The following BCCIP variants were observed in gnomAD, a reference collection of about 807,000 sequenced individuals.
BCCIP encodes BRCA2 and CDKN1A interacting protein.
A neutral mutation model predicts 32.8 loss-of-function variants in BCCIP; 23 were observed. The observed-to-expected ratio is 0.70, with a 90% CI of 0.51 to 0.99. BCCIP has a LOEUF of 0.99. Among genes scored for constraint, BCCIP ranks in the 50% least tolerant of loss-of-function variants. The pLI, the probability that BCCIP is intolerant of heterozygous loss-of-function variation, is 0.00. For missense variants in BCCIP, 378 were observed against 379.8 expected (o/e 1.00, Z 0.04); for synonymous variants, 144 against 137.6 (o/e 1.05, Z -0.33).
At chr10:125,838,877 T>A, downstream of BCCIP, 2 of 1,153,406 alleles carry the variant, frequency 1.7e-6, no homozygotes, top group Non-Finnish European at 1.2e-6. Context: ...AAATCTTTAA[T>A]AATAACATGG....
intron 3 of BCCIP, 39 bp from the exon 4 acceptor site, chr10:125,830,523 A>C (rs1854497991): frequency 7.4e-7 from 1 of 1,346,378 alleles, no homozygotes; most frequent in South Asian, 1.3e-5. Context: ...TTGGTATTAT[A>C]CTAAATATAA....
intron 3 of BCCIP, among the ~76,000 whole-genome samples, chr10:125,830,251 C>T (rs1854491325): frequency 6.6e-6 from 1 of 152,152 alleles, no homozygotes; most frequent in African/African-American, 2.4e-5. Flanking sequence ...TATTGAGAAT[C>T]TGATAAAAGA....
Position 125,827,584 on chromosome 10 carries a change from T to G in BCCIP, c.267T>G (p.Thr89=). 2 of 1,613,168 alleles carry G rather than the reference T, an allele frequency of 1.2e-6. No homozygotes were observed. Among genetic ancestry groups the G allele is most frequent in the Non-Finnish European group, 1.7e-6 (2 of 1,179,176 alleles). Residue 89 remains threonine (T), a synonymous_variant, in exon 3 of 7, where the codon ACT becomes ACG. Transcript: ENST00000278100. ...TTTTTCTAAAGGCTCCTGTGAACACTGCAGAACTAACAGATCTCTTAATTC... is the reference window on the plus strand; with the variant it reads ...TTTTTCTAAAGGCTCCTGTGAACACGGCAGAACTAACAGATCTCTTAATTC... ...QQLFLKAPVN[T]AELTDLLIQQ... is the part of the protein sequence containing the mutation.
intron 3 of BCCIP, among the ~76,000 whole-genome samples, chr10:125,828,339 C>A (rs1393556183): frequency 1.3e-5 from 2 of 152,052 alleles, no homozygotes; most frequent in Non-Finnish European, 2.9e-5. Context: ...TACCGGGTAG[C>A]AGGTGGAGCC....
chr10:125,852,611 A>T, intron 7 of BCCIP: 3 of 1,612,862 alleles, frequency 1.9e-6, no homozygotes, highest in Non-Finnish European at 1.7e-6. Flanking sequence ...CTGCATGACG[A>T]GCGAGTTTGC....
chr10:125,844,394 A>G (rs1854956035), downstream of BCCIP, among the ~76,000 whole-genome samples: 1 of 152,204 alleles, frequency 6.6e-6, no homozygotes, highest in South Asian at 2.1e-4. Flanking sequence ...TCTGTCCCCA[A>G]AGGGCACCTA....
In BCCIP at chr10:125,850,354, CTTT is replaced by C. The variant is rs765077777; in HGVS notation, c.851-2753_851-2751del. ...GCCTTTGACTTTCTTTTCTTTCTTTCTTTTTTTTTTTTTTTTTTTTGAGACAGA... is the reference window on the plus strand; with the variant it reads ...GCCTTTGACTTTCTTTTCTTTCTTTCTTTTTTTTTTTTTTTTTGAGACAGA... On this transcript the variant is annotated intron_variant, in intron 7 of 7. Transcript: ENST00000368759. Among the ~76,000 whole-genome samples, 9 of 124,556 alleles carry C rather than the reference CTTT, an allele frequency of 7.2e-5. No homozygotes were observed. In the East Asian group the frequency reaches 1.1e-3, roughly 15 times the overall value. 81.7% of individuals were successfully genotyped at this position (124,556 alleles called of 152,430 possible). A position where few individuals can be genotyped will look rare whatever the true frequency, so the allele number is the denominator to read the frequency against.
downstream of BCCIP, chr10:125,836,578 C>G: frequency 1.4e-6 from 2 of 1,412,622 alleles, no homozygotes; most frequent in Non-Finnish European, 1.9e-6. Context: ...TTCTTCAAGA[C>G]CGTCCTGTGG....
At chr10:125,826,714 CAG>C (rs1564817003) in intron 2 of BCCIP, 49 bp downstream of exon 2, 2 of 1,602,608 alleles carry the variant, frequency 1.2e-6, no homozygotes, top group Admixed American at 1.7e-5. Flanking sequence ...TAAGAAAAAT[CAG>C]GGGCCGGGTG....
Position 125,833,903 on chromosome 10 carries a change from C to G in BCCIP, c.731C>G (p.Ala244Gly). ...AAGAAACCTAGCAACAAAAAGAAAG[C>G]TGCGTTAATGTTTGCAAATGCAGAG... ...SKKKPSNKKK[A>G]ALMFANAEEE... The change falls in exon 6 of 7, where the codon GCT (alanine) becomes GGT (glycine). Residue 244 changes from alanine (A) to glycine (G), a missense_variant. By Grantham distance (60) the Ala-to-Gly change is moderately conservative (BLOSUM62 0). Coordinates refer to ENST00000278100, the MANE Select transcript of BCCIP (RefSeq NM_078468.3). The G allele has an allele frequency of 6.2e-7, 1 of 1,614,192 alleles. No homozygotes were observed. Among genetic ancestry groups the G allele is most frequent in the Admixed American group, 1.7e-5 (1 of 60,024 alleles).
chr10:125,852,181 CCCCT>C, intron 7 of BCCIP: 1 of 1,337,496 alleles, frequency 7.5e-7, no homozygotes, highest in Non-Finnish European at 1.0e-6. Flanking sequence ...AAACCAACGC[CCCCT>C]CCATGCTTGT....
Position 125,833,887 on chromosome 10 carries a change from A to G in BCCIP, c.715A>G (p.Ser239Gly). 1 of 1,614,290 alleles carries G rather than the reference A, an allele frequency of 6.2e-7. No individual in the cohort carries two copies. The highest frequency in any genetic ancestry group is 2.2e-5 in the East Asian group (1 of 44,894). The change falls in exon 6 of 7, where the codon AGC (serine) becomes GGC (glycine). Residue 239 changes from serine to glycine, a missense_variant. Ser to Gly is a moderately conservative substitution (Grantham distance 56, BLOSUM62 0). Coordinates refer to ENST00000278100, the MANE Select transcript of BCCIP (RefSeq NM_078468.3). The part of the protein sequence containing the change: ...AGKNNSKKKP[S>G]NKKKAALMFA... ...AAAAAACAATTCCAAAAAGAAACCT[A>G]GCAACAAAAAGAAAGCTGCGTTAAT...
chr10:125,827,520 T>C, intron 2 of BCCIP, 38 bp from the exon 3 acceptor site: 1 of 1,346,520 alleles, frequency 7.4e-7, no homozygotes, highest in Non-Finnish European at 1.1e-6. Flanking sequence ...GAAATCATGC[T>C]TTGATCTTAA....
intron 1 of BCCIP, among the ~76,000 whole-genome samples, chr10:125,824,711 A>G (rs1290777220): frequency 8.9e-6 from 1 of 112,640 alleles, no homozygotes; most frequent in East Asian, 2.3e-4. Flanking sequence ...TTGTTCCCCT[A>G]CAATCAGTCT....
At chr10:125,827,001 A>AAAAAAAAAAAAG (rs1344729538) in intron 2 of BCCIP, among the ~76,000 whole-genome samples, 24 of 151,680 alleles carry the variant, frequency 1.6e-4, no homozygotes, top group South Asian at 4.2e-4. Context: ...GTCTCTAAAA[A>AAAAAAAAAAAAG]AAAAGAAAAT....
chr10:125,830,774 G>A (rs1266867040), intron 4 of BCCIP, 123 bp downstream of exon 4: 7 of 651,146 alleles, frequency 1.1e-5, no homozygotes, highest in Non-Finnish European at 1.9e-5. Flanking sequence ...AAGTGCTCTT[G>A]TGAAATCTTA....
chr10:125,839,713 A>G (rs186300276), downstream of BCCIP, among the ~76,000 whole-genome samples: 320 of 152,330 alleles, frequency 2.1e-3, no homozygotes, highest in African/African-American at 7.4e-3. Context: ...AAGCTCATCT[A>G]TCTACCCTAG....
downstream of BCCIP, chr10:125,841,408 C>A (rs1359069651): frequency 6.2e-7 from 1 of 1,602,944 alleles, no homozygotes; most frequent in Non-Finnish European, 8.5e-7. Context: ...AAATAAAAAA[C>A]AGGCACACAA....
intron 7 of BCCIP, chr10:125,853,026 G>A: frequency 2.4e-6 from 2 of 847,994 alleles, no homozygotes; most frequent in East Asian, 5.1e-5. Context: ...AATCAACCAG[G>A]ATCTTGGTGG....
Sources: allele counts gnomAD v4.1 joint callset (sites outside exome capture counted in the v4.1 genomes callset), GRCh38; gene constraint gnomAD v4.1.1; transcripts MANE v1.5; gene names NCBI Gene and HGNC (gene_info 2026-07-23, HGNC 2026-07-21).